The following COL4A4 variants were observed in gnomAD, a reference collection of about 807,000 sequenced individuals.
COL4A4 encodes the protein collagen alpha-4(IV) chain.
COL4A4 carries 105 observed loss-of-function variants against 192.9 expected under a neutral mutation model. That is an observed-to-expected ratio of 0.54 (90% CI 0.46 to 0.64). The LOEUF (loss-of-function observed/expected upper bound fraction) is 0.64. Ranked by LOEUF, COL4A4 falls within the 30% of genes least tolerant of loss-of-function variation. The pLI is 0.00. For synonymous variants in COL4A4, 762 were observed against 769.9 expected (o/e 0.99, Z 0.17); for missense variants, 1,967 against 2,169.3 (o/e 0.91, Z 1.85).
At chr2:227,050,309 A>C (rs1045563792) in intron 33 of COL4A4, among the ~76,000 whole-genome samples, 178 bp from the exon 34 acceptor site, 1 of 152,256 alleles carries the variant, frequency 6.6e-6, no homozygotes, top group Non-Finnish European at 1.5e-5. Flanking sequence ...CAAAGTTGAT[A>C]TAGCTTCTCC....
rs1460723752 is a variant in COL4A4 at position 227,062,544 on chromosome 2, A to C, written c.2042T>G (p.Phe681Cys). Residue 681 changes from phenylalanine (F) to cysteine (C), a missense_variant, in exon 26 of 48, where the codon TTT becomes TGT. By Grantham distance (205) the Phe-to-Cys change is radical. Transcript: ENST00000396625. ...TYPGRHGPPG[F>C]DGPPGPKGFP... is the part of the protein sequence containing the mutation. ...ATTGATAATACCTGGAGGTCCATCA[A>C]AACCTGGAGGGCCATGCCTCCCAGG... 6.2e-7 allele frequency: 1 copy of C among 1,608,506 alleles called. No homozygotes were observed. Among genetic ancestry groups the C allele is most frequent in the Admixed American group, 1.7e-5 (1 of 60,010 alleles).
Position 227,125,703 on chromosome 2 carries a change from G to A in COL4A4, c.193-4555C>T, listed in dbSNP as rs145510942. Among the ~76,000 whole-genome samples the A allele has an allele frequency of 3.4e-4, 52 of 152,162 alleles. No individual in the cohort carries two copies. The East Asian group carries it at 9.3e-3, about 27-fold the overall frequency. ...GCGCAGGCTGTCCTGTCCCGGGAGC[G>A]CCCCCTCTCTGCCTCTGGCTGATTC... On this transcript the variant is annotated intron_variant, in intron 4 of 47. Transcript: ENST00000396625.
At chr2:227,047,208 T>C (rs2150146765) in intron 35 of COL4A4, among the ~76,000 whole-genome samples, 1 of 152,138 alleles carries the variant, frequency 6.6e-6, no homozygotes, top group East Asian at 1.9e-4. Context: ...TGGGCATGCC[T>C]GGGGAGTTTA....
chr2:227,102,848 C>T lies in COL4A4; in HGVS notation c.871G>A (p.Gly291Arg), dbSNP rs371191979. 16 of 1,612,184 alleles carry T rather than the reference C, an allele frequency of 9.9e-6. No homozygotes were observed. The highest frequency in any genetic ancestry group is 1.3e-5 in the African/African-American group (1 of 74,636). The change falls in exon 15 of 48, where the codon GGA becomes AGA. Residue 291 changes from glycine to arginine, a missense_variant and splice_region_variant. Physicochemically the swap from Gly to Arg is moderately radical, Grantham distance 125. Coordinates refer to ENST00000396625, the MANE Select transcript of COL4A4 (RefSeq NM_000092.5). ...VGLPGPPGRKGESGIGAKGEK... is the reference protein window; with the variant it reads ...VGLPGPPGRKRESGIGAKGEK... ...CCTTTTGCCCCAATACCAGATTCTC[C>T]CTTTAAGAGATGACAACATTTAGAG...
chr2:227,010,480 T>G lies in COL4A4; in HGVS notation c.4355A>C (p.Asp1452Ala). The change falls in exon 46 of 48, where the codon GAT becomes GCT. Residue 1452 changes from aspartate (D) to alanine (A), a missense_variant. Transcript: ENST00000396625. ...AGGGCCAAACCCTTTGGGCCCAGGA[T>G]CCCCAATGGGACCAGGAGGCCCTGG... ...GGPGPPGPIG[D>A]PGPKGFGPGY... 6.3e-7 allele frequency: 1 copy of G among 1,589,238 alleles called. No individual in the cohort carries two copies. Among genetic ancestry groups the G allele is most frequent in the Non-Finnish European group, 8.6e-7 (1 of 1,168,492 alleles).
the COL4A4 span, chr2:226,995,560 T>C: frequency 7.2e-7 from 1 of 1,383,064 alleles, no homozygotes; most frequent in Non-Finnish European, 1.0e-6. Flanking sequence ...TTCGTGTAAT[T>C]ATTGCCCATT....
At chr2:227,142,097 C>CAA (rs531488311) in intron 3 of COL4A4, among the ~76,000 whole-genome samples, 13 of 118,918 alleles carry the variant, frequency 1.1e-4, no homozygotes, top group South Asian at 3.0e-4. Flanking sequence ...TTAGTAGATT[C>CAA]AAAAAAAAAA....
chr2:227,060,212 G>A lies in COL4A4; in HGVS notation c.2088C>T (p.Ala696=). ...GCCCATCTGAACCACTCAGCCCAGG[G>A]GCACCTTGGGGACCTGGAAATCCCT... ...GPKGFPGPQG[A]PGLSGSDGHK... The change falls in exon 27 of 48, where the codon GCC becomes GCT. Residue 696 remains alanine, a synonymous_variant. Coordinates refer to ENST00000396625, the MANE Select transcript of COL4A4 (RefSeq NM_000092.5). 1.9e-6 allele frequency: 3 copies of A among 1,611,712 alleles called. No homozygotes were observed. Among genetic ancestry groups the A allele is most frequent in the African/African-American group, 1.3e-5 (1 of 74,502 alleles).
chr2:227,127,484 C>T (rs2062158760), intron 4 of COL4A4, among the ~76,000 whole-genome samples: 1 of 152,194 alleles, frequency 6.6e-6, no homozygotes, highest in Non-Finnish European at 1.5e-5. Context: ...CCAGGGCATT[C>T]CTTTAGGATT....
chr2:226,998,510 C>G (rs1451416686), downstream of COL4A4: 3 of 152,046 alleles, frequency 2.0e-5, no homozygotes, highest in Non-Finnish European at 2.9e-5. Flanking sequence ...TTCAATTAGT[C>G]AAAAAATATA....
chr2:227,104,194 T>A (rs750091783), intron 12 of COL4A4, 142 bp from the exon 13 acceptor site: 2 of 727,458 alleles, frequency 2.7e-6, no homozygotes, highest in Non-Finnish European at 4.9e-6. Flanking sequence ...TCATAGAATA[T>A]AAAAGGATAT....
At chr2:227,156,387 AC>A (rs2064351642) in intron 1 of COL4A4, among the ~76,000 whole-genome samples, 2 of 120,236 alleles carry the variant, frequency 1.7e-5, no homozygotes, top group Non-Finnish European at 3.4e-5. Flanking sequence ...ACACAGTGAA[AC>A]CCCGTCTAAA....
At chr2:227,097,455 A>G (rs1282013719) in intron 19 of COL4A4, among the ~76,000 whole-genome samples, 4 of 152,206 alleles carry the variant, frequency 2.6e-5, no homozygotes, top group African/African-American at 4.8e-5. Context: ...ATTTCTTACT[A>G]TGGGTCATAG....
At chr2:226,971,121 A>G in the COL4A4 span, among the ~76,000 whole-genome samples, 1 of 152,168 alleles carries the variant, frequency 6.6e-6, no homozygotes, top group African/African-American at 2.4e-5. Context: ...TGAGGTCTGG[A>G]ACATTTTCAT....
intron 44 of COL4A4, among the ~76,000 whole-genome samples, chr2:227,015,628 G>A (rs998225168): frequency 2.6e-5 from 4 of 152,132 alleles, no homozygotes; most frequent in Non-Finnish European, 5.9e-5. Context: ...TTTTCTGCTA[G>A]CCTGTGGCTC....
chr2:226,993,203 T>A, the COL4A4 span, among the ~76,000 whole-genome samples: 1 of 152,362 alleles, frequency 6.6e-6, no homozygotes, highest in Non-Finnish European at 1.5e-5. Flanking sequence ...TGCGGGCTTT[T>A]TCTTTTGAAG....
In COL4A4 at chr2:227,012,289, C is replaced by T. The variant is rs771160320; in HGVS notation, c.4225G>A (p.Gly1409Arg). 1.2e-6 allele frequency: 2 copies of T among 1,613,710 alleles called. No homozygotes were observed. The highest frequency in any genetic ancestry group is 8.5e-7 in the Non-Finnish European group (1 of 1,179,812). Residue 1409 changes from glycine (G) to arginine (R), a missense_variant, in exon 45 of 48, where the codon GGA (glycine) becomes AGA (arginine). By Grantham distance (125) the Gly-to-Arg change is moderately radical. Transcript: ENST00000396625. ...CTCCTGCCATCCAGCCCAGGCTCTC[C>T]TTTGCACCCTGCACAAAAGTTTATG... is the stretch of plus-strand genomic sequence containing the variant. ...MRGPSGPGCK[G>R]EPGLDGRRGV...
At chr2:226,968,733 G>A in the COL4A4 span, among the ~76,000 whole-genome samples, 6 of 152,204 alleles carry the variant, frequency 3.9e-5, 1 homozygote, top group Non-Finnish European at 8.8e-5. Context: ...TCTAGAGGGG[G>A]TGACTATTAA....
chr2:227,008,329 T>C (rs764116537), intron 46 of COL4A4, 25 bp from the exon 47 acceptor site: 1 of 1,613,238 alleles, frequency 6.2e-7, no homozygotes, highest in East Asian at 2.2e-5. Flanking sequence ...AAGAGACAGC[T>C]GGTGTCCAAG....
Sources: gnomAD v4.1 joint callset for allele counts (sites outside exome capture counted in the v4.1 genomes callset) on GRCh38, gnomAD v4.1.1 for gene constraint, MANE v1.5 for transcripts, NCBI Gene and HGNC (gene_info 2026-07-23, HGNC 2026-07-21) for gene names.